CCDC171: variants seen among roughly 807,000 people sequenced by gnomAD.
CCDC171 encodes coiled-coil domain containing 171.
A neutral mutation model predicts 168.2 loss-of-function variants in CCDC171; 177 were observed. The observed-to-expected ratio is 1.05, with a 90% CI of 0.93 to 1.19. The LOEUF is 1.19. Ranked by LOEUF, CCDC171 falls within the 50% of genes most tolerant of loss-of-function variation. The pLI, the probability that CCDC171 is intolerant of heterozygous loss-of-function variation, is 0.00. For missense variants in CCDC171, 1,991 were observed against 1,539.0 expected, an observed-to-expected ratio of 1.29 and a Z score of -4.91; for synonymous variants, 687 against 540.8, an observed-to-expected ratio of 1.27 and a Z score of -3.75.
intron 10 of CCDC171, among the ~76,000 whole-genome samples, chr9:15,682,251 TA>T (rs2133485646): frequency 6.6e-6 from 1 of 152,154 alleles, no homozygotes; most frequent in South Asian, 2.1e-4. Flanking sequence ...CTGGGCTAGA[TA>T]CAGCAGCAGA....
intron 25 of CCDC171, among the ~76,000 whole-genome samples, chr9:15,933,980 A>C (rs1309070641): frequency 6.6e-6 from 1 of 152,082 alleles, no homozygotes; most frequent in Non-Finnish European, 1.5e-5. Context: ...GACAGTGAAA[A>C]GACAACCCAT....
chr9:15,626,592 G>T (rs1056919797), intron 7 of CCDC171, among the ~76,000 whole-genome samples: 16 of 152,054 alleles, frequency 1.1e-4, no homozygotes, highest in African/African-American at 3.4e-4. Context: ...TTGTCTTTGG[G>T]TCTGTTTATA....
chr9:15,968,070 G>A (rs1830978742), intron 25 of CCDC171, among the ~76,000 whole-genome samples: 1 of 152,166 alleles, frequency 6.6e-6, no homozygotes, highest in African/African-American at 2.4e-5. Context: ...TTTTTAAAAT[G>A]TAGAAATTTA....
the CCDC171 span, among the ~76,000 whole-genome samples, chr9:16,100,331 G>C: frequency 6.6e-6 from 1 of 152,084 alleles, no homozygotes; most frequent in Non-Finnish European, 1.5e-5. Flanking sequence ...GAGTAAAAAC[G>C]CCATGCATAA....
chr9:15,839,046 G>C (rs538626075), intron 21 of CCDC171, among the ~76,000 whole-genome samples: 18 of 152,244 alleles, frequency 1.2e-4, no homozygotes, highest in African/African-American at 3.9e-4. Context: ...AATGTGTCTT[G>C]AGTTATATAA....
At chr9:16,065,082 C>G (rs1833976959), downstream of CCDC171, among the ~76,000 whole-genome samples, 1 of 152,192 alleles carries the variant, frequency 6.6e-6, no homozygotes, top group Admixed American at 6.5e-5. Context: ...GCAATGCAGG[C>G]TGCCTCTACC....
chr9:15,642,314 C>T lies in CCDC171; in HGVS notation c.823-14813C>T, dbSNP rs1416610287. ...GTATATATATACACATATGTATACA[C>T]GTATATATATATATACACGTGTGTG... On this transcript the variant is annotated intron_variant, in intron 7 of 25. Coordinates refer to ENST00000380701, the MANE Select transcript of CCDC171 (RefSeq NM_173550.4). Among the ~76,000 whole-genome samples the T allele has an allele frequency of 3.4e-4, 26 of 76,284 alleles. No individual in the cohort carries two copies. The Admixed American group carries it at 4.6e-3, about 13-fold the overall frequency. 50.0% of individuals were successfully genotyped at this position (76,284 alleles called of 152,430 possible).
chr9:15,704,535 T>C (rs2052056576), intron 11 of CCDC171, among the ~76,000 whole-genome samples: 1 of 152,206 alleles, frequency 6.6e-6, no homozygotes, highest in South Asian at 2.1e-4. Flanking sequence ...AAGTAATCCA[T>C]GGTAGAAATT....
At chr9:15,739,749 T>G (rs1301594562) in intron 16 of CCDC171, among the ~76,000 whole-genome samples, 1 of 151,946 alleles carries the variant, frequency 6.6e-6, no homozygotes, top group Non-Finnish European at 1.5e-5. Flanking sequence ...AATTTTTTTT[T>G]TTTTTTGATA....
At chr9:15,811,266 C>A (rs1161159481) in intron 21 of CCDC171, among the ~76,000 whole-genome samples, 2 of 152,154 alleles carry the variant, frequency 1.3e-5, no homozygotes, top group South Asian at 4.2e-4. Flanking sequence ...CTCTAACAAC[C>A]CTTATGTCAG....
intron 16 of CCDC171, among the ~76,000 whole-genome samples, chr9:15,732,077 C>T (rs10738408): frequency 0.99 from 151,307 of 152,138 alleles, 75,246 homozygotes; most frequent in Middle Eastern, 1. Context: ...GAGTTCTTTA[C>T]ATATCCTGGA....
intron 2 of CCDC171, 44 bp downstream of exon 2, chr9:15,564,173 T>G: frequency 1.4e-6 from 2 of 1,466,106 alleles, no homozygotes; most frequent in Non-Finnish European, 1.9e-6. Flanking sequence ...CGTTTTTAGT[T>G]GCAAGGAACA....
At chr9:15,863,167 C>T (rs368562192) in intron 23 of CCDC171, among the ~76,000 whole-genome samples, 8 of 151,964 alleles carry the variant, frequency 5.3e-5, no homozygotes, top group East Asian at 1.9e-4. Context: ...GGACATTGTA[C>T]GCACAGTCCA....
At chr9:15,608,376 T>C (rs575247266) in intron 6 of CCDC171, among the ~76,000 whole-genome samples, 5 of 152,334 alleles carry the variant, frequency 3.3e-5, no homozygotes, top group Admixed American at 1.3e-4. Flanking sequence ...TGTGGGTATG[T>C]ATTTAGTGCG....
chr9:15,704,493 A>T (rs190407849), intron 11 of CCDC171, among the ~76,000 whole-genome samples: 1 of 152,314 alleles, frequency 6.6e-6, no homozygotes, highest in Non-Finnish European at 1.5e-5. Flanking sequence ...TCAGTTTAAT[A>T]CATGCTTTGT....
chr9:15,644,757 G>T (rs2046903430), intron 7 of CCDC171, among the ~76,000 whole-genome samples: 1 of 152,192 alleles, frequency 6.6e-6, no homozygotes, highest in African/African-American at 2.4e-5. Flanking sequence ...GCTCAAACTG[G>T]GTGGAGCCCA....
intron 1 of CCDC171, among the ~76,000 whole-genome samples, chr9:16,056,265 C>T (rs761602554): frequency 6.6e-6 from 1 of 152,060 alleles, no homozygotes. Context: ...AGCAGTGTTG[C>T]CCAACGGAAC....
chr9:15,669,252 A>G (rs1051540455), intron 9 of CCDC171, among the ~76,000 whole-genome samples: 3 of 152,160 alleles, frequency 2.0e-5, no homozygotes, highest in Non-Finnish European at 4.4e-5. Context: ...TCTTAGAATA[A>G]ATTTTTTTCC....
At chr9:15,649,159 A>G (rs182271086) in intron 7 of CCDC171, among the ~76,000 whole-genome samples, 56 of 152,320 alleles carry the variant, frequency 3.7e-4, no homozygotes, top group African/African-American at 1.3e-3. Flanking sequence ...TGGATTCCCT[A>G]TTTAATAAAT....
Sources: allele counts gnomAD v4.1 joint callset (sites outside exome capture counted in the v4.1 genomes callset), GRCh38; gene constraint gnomAD v4.1.1; transcripts MANE v1.5; gene names NCBI Gene and HGNC (gene_info 2026-07-23, HGNC 2026-07-21).